RYR3: variants seen among roughly 807,000 people sequenced by gnomAD.
RYR3 encodes the protein ryanodine receptor 3, also known as brain ryanodine receptor-calcium release channel.
Under a neutral mutation model 584.3 loss-of-function variants are expected in RYR3, and 207 were observed. The observed-to-expected ratio is 0.35, with a 90% CI of 0.32 to 0.40. RYR3 has a LOEUF of 0.40. RYR3 is among the 10% of genes least tolerant of loss of function. The pLI, the probability that RYR3 is intolerant of heterozygous loss-of-function variation, is 1.00. For missense variants in RYR3, 5,616 were observed against 6,089.2 expected (o/e 0.92, Z 2.59); for synonymous variants, 2,416 against 2,248.5 (o/e 1.07, Z -2.11).
intron 6 of RYR3, among the ~76,000 whole-genome samples, chr15:33,540,395 C>T (rs1017483446): frequency 7.2e-5 from 11 of 152,134 alleles, no homozygotes; most frequent in African/African-American, 7.2e-5. Flanking sequence ...ATGAGAGAAA[C>T]GTCAGAGAAG....
At chr15:33,767,166 A>T (rs1050609938) in intron 60 of RYR3, among the ~76,000 whole-genome samples, 3 of 152,220 alleles carry the variant, frequency 2.0e-5, no homozygotes, top group Non-Finnish European at 4.4e-5. Context: ...CCCGAGTCCT[A>T]TGATGACTCT....
chr15:33,400,371 C>A (rs560519029), intron 1 of RYR3, among the ~76,000 whole-genome samples: 3 of 152,280 alleles, frequency 2.0e-5, no homozygotes, highest in Admixed American at 6.5e-5. Context: ...CTCCTTCCCC[C>A]CGCCACACAC....
At chr15:33,326,271 T>G (rs1027258767) in intron 1 of RYR3, among the ~76,000 whole-genome samples, 5 of 152,212 alleles carry the variant, frequency 3.3e-5, no homozygotes, top group Admixed American at 6.5e-5. Context: ...ACTGAGATGC[T>G]ATCCCCTTAT....
chr15:33,690,470 A>T (rs1427597885), intron 38 of RYR3, among the ~76,000 whole-genome samples: 5 of 152,208 alleles, frequency 3.3e-5, no homozygotes, highest in Non-Finnish European at 7.3e-5. Flanking sequence ...CTTATATGAG[A>T]TACTCTTCTT....
chr15:33,578,519 G>A (rs1417419696), intron 12 of RYR3, among the ~76,000 whole-genome samples: 1 of 151,974 alleles, frequency 6.6e-6, no homozygotes, highest in East Asian at 1.9e-4. Context: ...AGAAAACAAA[G>A]CACCACATGT....
chr15:33,324,343 G>C (rs543787350), intron 1 of RYR3, among the ~76,000 whole-genome samples: 1 of 152,052 alleles, frequency 6.6e-6, no homozygotes, highest in Non-Finnish European at 1.5e-5. Flanking sequence ...GGGAAGGAAG[G>C]GTACTCTAAA....
At chr15:33,491,009 G>A (rs1223088039) in intron 2 of RYR3, among the ~76,000 whole-genome samples, 1 of 152,100 alleles carries the variant, frequency 6.6e-6, no homozygotes, top group Admixed American at 6.5e-5. Context: ...TTTTTGTATT[G>A]GATGGGGCCA....
At chr15:33,336,103 TTTAC>T (rs1970933836) in intron 1 of RYR3, among the ~76,000 whole-genome samples, 1 of 152,092 alleles carries the variant, frequency 6.6e-6, no homozygotes, top group Non-Finnish European at 1.5e-5. Flanking sequence ...TTCTAATACT[TTTAC>T]TTAAGAGACA....
intron 85 of RYR3, 113 bp downstream of exon 85, chr15:33,827,400 G>A (rs2152966781): frequency 1.1e-6 from 1 of 905,194 alleles, no homozygotes; most frequent in Non-Finnish European, 1.7e-6. Context: ...TATAAGGAAG[G>A]CGTTGTAACG....
intron 3 of RYR3, among the ~76,000 whole-genome samples, chr15:33,510,139 A>G (rs2052847089): frequency 6.6e-6 from 1 of 152,204 alleles, no homozygotes; most frequent in Non-Finnish European, 1.5e-5. Flanking sequence ...GTTAGAGTTC[A>G]TTTTACAGAT....
At chr15:33,678,040 A>T (rs1463647863) in intron 38 of RYR3, among the ~76,000 whole-genome samples, 3 of 152,186 alleles carry the variant, frequency 2.0e-5, no homozygotes, top group Non-Finnish European at 4.4e-5. Flanking sequence ...TTGGGTTAAG[A>T]AGGGCCATCA....
intron 93 of RYR3, 86 bp downstream of exon 93, chr15:33,845,148 C>CT: frequency 7.1e-7 from 1 of 1,408,230 alleles, no homozygotes; most frequent in African/African-American, 1.4e-5. Flanking sequence ...TGCTCTAAGA[C>CT]TTTGCTAGCC....
At chr15:33,743,251 G>C (rs1178195065) in intron 52 of RYR3, among the ~76,000 whole-genome samples, 1 of 152,134 alleles carries the variant, frequency 6.6e-6, no homozygotes, top group African/African-American at 2.4e-5. Flanking sequence ...CCTTCCAGGA[G>C]TCTACTGGGA....
intron 72 of RYR3, among the ~76,000 whole-genome samples, chr15:33,811,994 A>G (rs1433023053): frequency 6.6e-6 from 1 of 152,150 alleles, no homozygotes; most frequent in African/African-American, 2.4e-5. Context: ...AAAATATACT[A>G]GGAAAAAAAA....
chr15:33,667,151 T>G (rs1404826848), intron 36 of RYR3, among the ~76,000 whole-genome samples: 1 of 152,220 alleles, frequency 6.6e-6, no homozygotes, highest in East Asian at 1.9e-4. Context: ...GAGTTCCTCC[T>G]AACAATGCTA....
intron 60 of RYR3, among the ~76,000 whole-genome samples, chr15:33,763,419 CA>C (rs145446458): frequency 0.28 from 41,115 of 144,756 alleles, 6,851 homozygotes; most frequent in Admixed American, 0.47. Context: ...AATAAATTTA[CA>C]AAAAAAAAAC....
chr15:33,753,259 A>T (rs980455317), intron 57 of RYR3, among the ~76,000 whole-genome samples: 15 of 152,248 alleles, frequency 9.9e-5, no homozygotes, highest in African/African-American at 3.6e-4. Flanking sequence ...TTATTAAATT[A>T]CATAGTAATA....
At chr15:33,319,327 G>A (rs1968632848) in intron 1 of RYR3, among the ~76,000 whole-genome samples, 1 of 152,098 alleles carries the variant, frequency 6.6e-6, no homozygotes, top group South Asian at 2.1e-4. Flanking sequence ...ACCAGAAGCC[G>A]AATCCAAGAG....
At chr15:33,400,197 A>T (rs1295789032) in intron 1 of RYR3, among the ~76,000 whole-genome samples, 1 of 152,206 alleles carries the variant, frequency 6.6e-6, no homozygotes, top group East Asian at 1.9e-4. Context: ...ACGTTAATTC[A>T]TATCCTAACA....
Sources: allele counts gnomAD v4.1 joint callset (sites outside exome capture counted in the v4.1 genomes callset), GRCh38; gene constraint gnomAD v4.1.1; transcripts MANE v1.5; gene names NCBI Gene and HGNC (gene_info 2026-07-23, HGNC 2026-07-21).